The following FAM227A variants were observed in gnomAD, a reference collection of about 807,000 sequenced individuals.
FAM227A encodes the protein protein FAM227A.
FAM227A carries 80 observed loss-of-function variants against 74.7 expected under a neutral mutation model. The observed-to-expected ratio is 1.07, with a 90% CI of 0.89 to 1.29. The LOEUF is 1.29. Among genes scored for constraint, FAM227A ranks in the 50% most tolerant of loss-of-function variants. FAM227A has a pLI of 0.00. For synonymous variants in FAM227A, 237 were observed against 241.8 expected (o/e 0.98, Z 0.19); for missense variants, 654 against 683.4 (o/e 0.96, Z 0.48).
Position 38,582,583 on chromosome 22 carries a change from C to A in FAM227A, c.*3542G>T. On this transcript the variant is annotated 3_prime_UTR_variant, in exon 17 of 17. Coordinates refer to ENST00000535113, the MANE Select transcript of FAM227A (RefSeq NM_001013647.2). ...TACAAAGGGCAGAGACAGGTTTCTT[C>A]ATATTTAACATCCTGAGAGGCTACA... The A allele has an allele frequency of 1.3e-6, 1 of 769,388 alleles. No individual in the cohort carries two copies. The highest frequency in any genetic ancestry group is 2.0e-6 in the Non-Finnish European group (1 of 488,740). 47.7% of individuals were successfully genotyped at this position (769,388 alleles called of 1,614,324 possible). A position where few individuals can be genotyped will look rare whatever the true frequency, so the allele number is the denominator to read the frequency against.
intron 2 of FAM227A, among the ~76,000 whole-genome samples, chr22:38,646,868 T>C (rs1291869813): frequency 6.6e-6 from 1 of 152,044 alleles, no homozygotes; most frequent in Admixed American, 6.6e-5. Flanking sequence ...TAAATAATGC[T>C]GGCTGGGCAC....
chr22:38,647,828 G>A (rs2092265446), intron 2 of FAM227A, among the ~76,000 whole-genome samples: 1 of 152,170 alleles, frequency 6.6e-6, no homozygotes, highest in South Asian at 2.1e-4. Context: ...AAGATACCAA[G>A]AAGGGACATG....
intron 3 of FAM227A, among the ~76,000 whole-genome samples, chr22:38,640,764 T>C (rs5750649): frequency 0.35 from 53,481 of 151,744 alleles, 9,763 homozygotes; most frequent in East Asian, 0.47. Context: ...CCAGAAGAGG[T>C]GGACATGAGT....
chr22:38,612,805 G>C (rs1275250891), intron 11 of FAM227A, among the ~76,000 whole-genome samples: 3 of 151,714 alleles, frequency 2.0e-5, no homozygotes, highest in Non-Finnish European at 4.4e-5. Flanking sequence ...GCACACAGTA[G>C]CACACCTTGG....
intron 3 of FAM227A, among the ~76,000 whole-genome samples, chr22:38,643,092 A>C (rs1362492336): frequency 2.6e-5 from 4 of 152,100 alleles, no homozygotes; most frequent in African/African-American, 9.7e-5. Context: ...AGGCGGGTGG[A>C]ACACCTGAGG....
At chr22:38,638,630 A>G (rs2092051291) in intron 5 of FAM227A, 116 bp downstream of exon 5, 1 of 766,334 alleles carries the variant, frequency 1.3e-6, no homozygotes, top group Non-Finnish European at 2.2e-6. Flanking sequence ...GAGCTCTGCG[A>G]TTTTTCCTTC....
At chr22:38,607,310 T>C in intron 12 of FAM227A, 79 bp downstream of exon 12, 1 of 1,090,952 alleles carries the variant, frequency 9.2e-7, no homozygotes, top group South Asian at 1.4e-5. Context: ...ATTCTGTTCA[T>C]ACGAACCCAA....
chr22:38,606,895 T>A (rs562186996), intron 12 of FAM227A, among the ~76,000 whole-genome samples: 46 of 152,252 alleles, frequency 3.0e-4, no homozygotes, highest in African/African-American at 9.9e-4. Flanking sequence ...AATCAGTGCT[T>A]AGGCTGGGCG....
chr22:38,641,563 AAAAAAC>A (rs1351587540), intron 3 of FAM227A, among the ~76,000 whole-genome samples: 16 of 149,118 alleles, frequency 1.1e-4, no homozygotes, highest in Non-Finnish European at 1.8e-4. Context: ...AAAAAAAAAA[AAAAAAC>A]AAAACAAAGA....
chr22:38,584,174 C>CT lies in FAM227A; in HGVS notation c.*1950dup, dbSNP rs1448060240. On this transcript the variant is annotated 3_prime_UTR_variant, in exon 17 of 17. Coordinates refer to ENST00000535113, the MANE Select transcript of FAM227A (RefSeq NM_001013647.2). Reference sequence around the variant, plus strand: ...TAATGCATTTATTGGTTTACACATCCTTCTCTTTTTTCCAGATTGTGAGCC... The same window carrying CT: ...TAATGCATTTATTGGTTTACACATCCTTTCTCTTTTTTCCAGATTGTGAGCC... 1 of 152,204 alleles carries CT rather than the reference C, an allele frequency of 6.6e-6. No homozygotes were observed. Among genetic ancestry groups the CT allele is most frequent in the African/African-American group, 2.4e-5 (1 of 41,418 alleles). 9.4% of individuals were successfully genotyped at this position (152,204 alleles called of 1,614,324 possible). A position where few individuals can be genotyped will look rare whatever the true frequency, so the allele number is the denominator to read the frequency against.
intron 13 of FAM227A, 60 bp from the exon 14 acceptor site, chr22:38,599,981 G>C (rs1427941267): frequency 1.4e-6 from 2 of 1,419,312 alleles, no homozygotes; most frequent in South Asian, 1.4e-5. Flanking sequence ...TCTGTATTAA[G>C]AACCAGAAAG....
intron 2 of FAM227A, among the ~76,000 whole-genome samples, chr22:38,646,074 C>T (rs1261430331): frequency 7.2e-5 from 11 of 151,970 alleles, no homozygotes; most frequent in African/African-American, 9.7e-5. Context: ...CATGAGCCAC[C>T]GCACCTAGCC....
At chr22:38,592,169 G>A (rs1052480536) in intron 15 of FAM227A, among the ~76,000 whole-genome samples, 43 of 151,960 alleles carry the variant, frequency 2.8e-4, no homozygotes, top group African/African-American at 8.2e-4. Flanking sequence ...GGATGGTCTC[G>A]ATTTCCTGAC....
At position 38,636,611 on chromosome 22, in the gene FAM227A, G is replaced by A. The variant is rs1274863150; in HGVS notation, c.373-14C>T. The stretch of plus-strand genomic sequence containing the variant: ...ATCTGCTGTTTTCTGAAGCAAAAGA[G>A]CAGAATATGAAAATGGGGTTCACAT... On this transcript the variant is annotated splice_polypyrimidine_tract_variant and intron_variant, in intron 5 of 16. Coordinates refer to ENST00000535113, the MANE Select transcript of FAM227A (RefSeq NM_001013647.2). 6 of 1,549,488 alleles carry A rather than the reference G, an allele frequency of 3.9e-6. No individual in the cohort carries two copies. Among genetic ancestry groups the A allele is most frequent in the South Asian group, 2.4e-5 (2 of 83,784 alleles).
chr22:38,631,417 A>C (rs547259950), intron 6 of FAM227A, among the ~76,000 whole-genome samples: 1 of 152,274 alleles, frequency 6.6e-6, no homozygotes, highest in Admixed American at 6.5e-5. Context: ...CGAGGGTTGA[A>C]AAATAACTTG....
intron 1 of FAM227A, among the ~76,000 whole-genome samples, chr22:38,653,073 C>A (rs1190130947): frequency 6.6e-6 from 1 of 151,970 alleles, no homozygotes; most frequent in Non-Finnish European, 1.5e-5. Context: ...ACAGCCACTC[C>A]CCATTCCTCA....
chr22:38,648,533 G>T (rs570056132), intron 2 of FAM227A, among the ~76,000 whole-genome samples: 1 of 151,598 alleles, frequency 6.6e-6, no homozygotes, highest in Non-Finnish European at 1.5e-5. Context: ...CTTGAACCCG[G>T]GAGGTGGAGG....
chr22:38,607,989 T>C (rs2091322585), intron 11 of FAM227A, among the ~76,000 whole-genome samples: 1 of 151,772 alleles, frequency 6.6e-6, no homozygotes, highest in Non-Finnish European at 1.5e-5. Context: ...TAACAGGAAA[T>C]AGACAGTTAT....
chr22:38,639,232 A>G (rs971216320), intron 4 of FAM227A, among the ~76,000 whole-genome samples: 1 of 152,026 alleles, frequency 6.6e-6, no homozygotes, highest in African/African-American at 2.4e-5. Flanking sequence ...CAACATGGTA[A>G]AACCCCATCT....
Sources: gnomAD v4.1 joint callset for allele counts (sites outside exome capture counted in the v4.1 genomes callset) on GRCh38, gnomAD v4.1.1 for gene constraint, MANE v1.5 for transcripts, NCBI Gene and HGNC (gene_info 2026-07-23, HGNC 2026-07-21) for gene names.